Variants in GALNT13 observed in about 807,000 individuals in gnomAD.
The protein encoded by GALNT13 is polypeptide N-acetylgalactosaminyltransferase 13.
A neutral mutation model predicts 64.2 loss-of-function variants in GALNT13; 28 were observed. The observed-to-expected ratio is 0.44, with a 90% CI of 0.32 to 0.60. The LOEUF is 0.60. Among genes scored for constraint, GALNT13 ranks in the 20% least tolerant of loss-of-function variants. The probability of loss-of-function intolerance (pLI) is 0.05; values close to 1 mark genes in which losing one functional copy is unlikely to be tolerated. For missense variants in GALNT13, 577 were observed against 669.8 expected (o/e 0.86, Z 1.53); for synonymous variants, 214 against 224.6 (o/e 0.95, Z 0.42).
chr2:154,399,690 T>C (rs1239677554), intron 10 of GALNT13, among the ~76,000 whole-genome samples: 1 of 152,152 alleles, frequency 6.6e-6, no homozygotes, highest in Admixed American at 6.5e-5. Flanking sequence ...GGGATTAGAT[T>C]TCACCATGAA....
chr2:154,202,998 G>A (rs753985791), intron 4 of GALNT13, among the ~76,000 whole-genome samples: 13 of 152,008 alleles, frequency 8.6e-5, no homozygotes, highest in East Asian at 1.9e-4. Flanking sequence ...CCTGGAAGCC[G>A]TTAATCTAGA....
the GALNT13 span, among the ~76,000 whole-genome samples, chr2:153,844,890 C>A: frequency 1.5e-4 from 23 of 152,220 alleles, no homozygotes; most frequent in Non-Finnish European, 2.6e-4. Context: ...GTGCAGCCAA[C>A]TCTTTGCTAA....
At chr2:153,916,121 T>A (rs899475109) in intron 2 of GALNT13, among the ~76,000 whole-genome samples, 1 of 147,866 alleles carries the variant, frequency 6.8e-6, no homozygotes, top group Non-Finnish European at 1.5e-5. Flanking sequence ...CCTCCCTTCC[T>A]TCCTTCGTTC....
chr2:153,767,616 T>C, the GALNT13 span, among the ~76,000 whole-genome samples: 4 of 152,282 alleles, frequency 2.6e-5, no homozygotes, highest in East Asian at 7.7e-4. Context: ...ACATATGCTG[T>C]CTTTTTACAG....
At position 154,438,584 on chromosome 2, in the gene GALNT13, A is replaced by C; in HGVS notation, c.1396-8A>C. ...CATTTTTTTTATTAGCTGAATTTAT[A>C]TTTTCAGGTATTTTCTTACACTGCT... On this transcript the variant is annotated splice_polypyrimidine_tract_variant and splice_region_variant and intron_variant, in intron 11 of 12. Transcript: ENST00000392825. The C allele has an allele frequency of 1.2e-6, 2 of 1,600,868 alleles. No individual in the cohort carries two copies. Among genetic ancestry groups the C allele is most frequent in the East Asian group, 4.5e-5 (2 of 44,736 alleles).
At chr2:154,154,081 C>T (rs942067115) in intron 4 of GALNT13, among the ~76,000 whole-genome samples, 54 of 152,176 alleles carry the variant, frequency 3.5e-4, no homozygotes, top group Admixed American at 2.8e-3. Context: ...TTGGCTGCTT[C>T]AGTGTGTTCT....
At chr2:153,768,053 G>C in the GALNT13 span, among the ~76,000 whole-genome samples, 9 of 151,914 alleles carry the variant, frequency 5.9e-5, no homozygotes, top group Non-Finnish European at 1.2e-4. Context: ...GTTTTTCCTA[G>C]TTTTTCTTCT....
upstream of GALNT13, among the ~76,000 whole-genome samples, chr2:153,871,737 C>G (rs1005617889): frequency 4.1e-4 from 62 of 152,154 alleles, no homozygotes; most frequent in African/African-American, 1.4e-3. Context: ...CGGTGCGCAC[C>G]GCCCCAGCCC....
At chr2:154,062,202 A>T (rs993375152) in intron 3 of GALNT13, among the ~76,000 whole-genome samples, 1 of 152,178 alleles carries the variant, frequency 6.6e-6, no homozygotes. Flanking sequence ...TTCTGAGTCA[A>T]TAGAAATGAT....
the GALNT13 span, among the ~76,000 whole-genome samples, chr2:153,413,583 A>G: frequency 6.6e-6 from 1 of 152,194 alleles, no homozygotes; most frequent in African/African-American, 2.4e-5. Flanking sequence ...TGACTGATGT[A>G]GGTTTCAGTT....
At chr2:153,383,072 A>G in the GALNT13 span, among the ~76,000 whole-genome samples, 3,919 of 152,192 alleles carry the variant, frequency 0.026, 150 homozygotes, top group African/African-American at 0.087. Context: ...TACTTTAATT[A>G]AGGAATGTGT....
intron 11 of GALNT13, among the ~76,000 whole-genome samples, chr2:154,434,998 A>G (rs1700886214): frequency 6.6e-6 from 1 of 152,198 alleles, no homozygotes; most frequent in South Asian, 2.1e-4. Flanking sequence ...TTATAATGGA[A>G]GGAAAGGCAC....
chr2:153,955,148 A>AAG, intron 3 of GALNT13, among the ~76,000 whole-genome samples: 1 of 152,168 alleles, frequency 6.6e-6, no homozygotes, highest in Non-Finnish European at 1.5e-5. Context: ...TTTTGGGGTC[A>AAG]ACCTAACAAG....
chr2:154,121,603 G>A (rs1400326367), intron 3 of GALNT13, among the ~76,000 whole-genome samples: 2 of 151,938 alleles, frequency 1.3e-5, no homozygotes, highest in Non-Finnish European at 2.9e-5. Context: ...TAAATATTAA[G>A]AGTACATTTA....
At chr2:153,231,869 G>A in the GALNT13 span, among the ~76,000 whole-genome samples, 1 of 151,958 alleles carries the variant, frequency 6.6e-6, no homozygotes, top group African/African-American at 2.4e-5. Context: ...GTTTAATTTA[G>A]TGGTCAAATT....
the GALNT13 span, among the ~76,000 whole-genome samples, chr2:153,210,514 A>T: frequency 5.9e-5 from 9 of 152,144 alleles, no homozygotes; most frequent in African/African-American, 2.2e-4. Context: ...GTGGATCATG[A>T]TATTTTATTC....
chr2:154,187,082 G>C (rs768146111), intron 4 of GALNT13, among the ~76,000 whole-genome samples: 1 of 151,896 alleles, frequency 6.6e-6, no homozygotes, highest in Non-Finnish European at 1.5e-5. Flanking sequence ...GTCTGAATTG[G>C]TGAGTTTATT....
the GALNT13 span, among the ~76,000 whole-genome samples, chr2:153,531,712 T>C: frequency 6.6e-6 from 1 of 152,120 alleles, no homozygotes; most frequent in Admixed American, 6.6e-5. Flanking sequence ...ATAATAATAA[T>C]AACTACTTAG....
chr2:153,647,514 G>C, the GALNT13 span, among the ~76,000 whole-genome samples: 1 of 152,076 alleles, frequency 6.6e-6, no homozygotes, highest in African/African-American at 2.4e-5. Context: ...CATTGCTTTT[G>C]GTGTATTAAA....
Sources: allele counts gnomAD v4.1 joint callset (sites outside exome capture counted in the v4.1 genomes callset), GRCh38; gene constraint gnomAD v4.1.1; transcripts MANE v1.5; gene names NCBI Gene and HGNC (gene_info 2026-07-23, HGNC 2026-07-21).